CDH18: variants seen among roughly 807,000 people sequenced by gnomAD.
CDH18 encodes cadherin 18, also known as cadherin-18.
In CDH18, 31 loss-of-function variants were observed where a neutral mutation model predicts 67.9. The observed-to-expected ratio is 0.46, with a 90% CI of 0.34 to 0.62. The LOEUF (loss-of-function observed/expected upper bound fraction) is 0.62. CDH18 is among the 20% of genes least tolerant of loss of function. CDH18 has a pLI of 0.01. For synonymous variants in CDH18, 362 were observed against 347.2 expected (o/e 1.04, Z -0.48); for missense variants, 890 against 975.5 (o/e 0.91, Z 1.17).
At chr5:19,870,569 A>G (rs1786148427) in intron 2 of CDH18, among the ~76,000 whole-genome samples, 1 of 152,052 alleles carries the variant, frequency 6.6e-6, no homozygotes, top group Non-Finnish European at 1.5e-5. Flanking sequence ...GCTTGCAGAG[A>G]ATAAGATTTC....
chr5:20,480,717 T>C (rs1291379198), intron 1 of CDH18, among the ~76,000 whole-genome samples: 2 of 152,198 alleles, frequency 1.3e-5, no homozygotes, highest in African/African-American at 4.8e-5. Flanking sequence ...ATAGAGTTTT[T>C]ATTAGTTTTT....
intron 3 of CDH18, among the ~76,000 whole-genome samples, chr5:19,820,439 T>C (rs1354691791): frequency 6.6e-6 from 1 of 152,110 alleles, no homozygotes; most frequent in Non-Finnish European, 1.5e-5. Context: ...CCACAACAGC[T>C]ACACACCAAT....
intron 11 of CDH18, among the ~76,000 whole-genome samples, chr5:19,494,273 T>C (rs1336912703): frequency 1.3e-5 from 2 of 152,234 alleles, no homozygotes; most frequent in Admixed American, 6.5e-5. Context: ...TTATGACTCA[T>C]TACATTGCAT....
chr5:20,447,733 T>C (rs1289902565), intron 1 of CDH18, among the ~76,000 whole-genome samples: 1 of 152,144 alleles, frequency 6.6e-6, no homozygotes, highest in East Asian at 1.9e-4. Flanking sequence ...TGAGTTTACT[T>C]CTATCTATCA....
chr5:19,669,121 ATAT>A (rs1470069066), intron 5 of CDH18, among the ~76,000 whole-genome samples: 2 of 146,948 alleles, frequency 1.4e-5, no homozygotes, highest in Non-Finnish European at 1.5e-5. Flanking sequence ...TATATAATAT[ATAT>A]TATATAATAT....
intron 4 of CDH18, among the ~76,000 whole-genome samples, chr5:19,725,852 C>CGGGAAAG (rs1441443828): frequency 1.3e-5 from 2 of 152,034 alleles, no homozygotes; most frequent in Non-Finnish European, 2.9e-5. Context: ...TACTGGGATT[C>CGGGAAAG]GGGAAAGGGA....
chr5:19,665,723 G>A (rs1301377083), intron 5 of CDH18, among the ~76,000 whole-genome samples: 2 of 152,024 alleles, frequency 1.3e-5, no homozygotes, highest in South Asian at 2.1e-4. Context: ...ATGGAAATGG[G>A]TAATTGGGTA....
At chr5:20,260,313 A>T (rs925188172) in intron 1 of CDH18, among the ~76,000 whole-genome samples, 1 of 151,952 alleles carries the variant, frequency 6.6e-6, no homozygotes, top group Non-Finnish European at 1.5e-5. Flanking sequence ...TTGTCCCACC[A>T]TTATAAATTG....
intron 1 of CDH18, among the ~76,000 whole-genome samples, chr5:20,492,516 T>A (rs992957): frequency 2.0e-5 from 3 of 151,948 alleles, no homozygotes; most frequent in South Asian, 2.1e-4. Context: ...AATACAGTTC[T>A]TCATTTCAAA....
At chr5:20,485,909 G>A (rs903032785) in intron 1 of CDH18, among the ~76,000 whole-genome samples, 2 of 152,148 alleles carry the variant, frequency 1.3e-5, no homozygotes, top group Non-Finnish European at 2.9e-5. Flanking sequence ...TGGGTATATT[G>A]TAAACAAATA....
At chr5:20,518,287 T>A (rs1278305562) in intron 1 of CDH18, among the ~76,000 whole-genome samples, 1 of 152,120 alleles carries the variant, frequency 6.6e-6, no homozygotes, top group Non-Finnish European at 1.5e-5. Flanking sequence ...TAATAGTTGA[T>A]CATATGGTTA....
chr5:20,540,988 T>C (rs1324777696), intron 1 of CDH18, among the ~76,000 whole-genome samples: 1 of 152,204 alleles, frequency 6.6e-6, no homozygotes, highest in Admixed American at 6.6e-5. Context: ...GAAGTTCTAT[T>C]CTCACACTCT....
chr5:20,298,149 T>C (rs1747683960), intron 1 of CDH18, among the ~76,000 whole-genome samples: 1 of 152,194 alleles, frequency 6.6e-6, no homozygotes, highest in South Asian at 2.1e-4. Flanking sequence ...CCAAGACCTT[T>C]CTTTAACTTT....
chr5:19,754,413 A>G (rs1455703780), intron 3 of CDH18, among the ~76,000 whole-genome samples: 1 of 152,220 alleles, frequency 6.6e-6, no homozygotes, highest in Non-Finnish European at 1.5e-5. Flanking sequence ...TAAAAAGGGC[A>G]AAGAGGGACA....
chr5:20,544,578 A>C (rs1224622206), intron 1 of CDH18, among the ~76,000 whole-genome samples: 2 of 152,122 alleles, frequency 1.3e-5, no homozygotes, highest in South Asian at 2.1e-4. Flanking sequence ...GGAGAGAGAG[A>C]GAGCGAGAGA....
At chr5:20,485,048 A>G (rs1278034677) in intron 1 of CDH18, among the ~76,000 whole-genome samples, 1 of 152,142 alleles carries the variant, frequency 6.6e-6, no homozygotes, top group African/African-American at 2.4e-5. Flanking sequence ...TCAATGGTAG[A>G]CTGTTGCTAA....
intron 2 of CDH18, among the ~76,000 whole-genome samples, chr5:20,221,454 A>G (rs961565658): frequency 6.6e-6 from 1 of 152,130 alleles, no homozygotes; most frequent in Admixed American, 6.6e-5. Flanking sequence ...AATAATAGTT[A>G]TCAGAGGCTA....
intron 2 of CDH18, among the ~76,000 whole-genome samples, chr5:20,019,329 T>A (rs755551447): frequency 3.3e-5 from 5 of 152,206 alleles, no homozygotes; most frequent in Non-Finnish European, 7.3e-5. Flanking sequence ...ATCTGCATAC[T>A]TTTTACGGAT....
chr5:20,330,848 T>C (rs962582457), intron 1 of CDH18, among the ~76,000 whole-genome samples: 5 of 152,216 alleles, frequency 3.3e-5, no homozygotes, highest in African/African-American at 1.2e-4. Context: ...ATTTTACTTC[T>C]GTTCATTCCT....
Sources: gnomAD v4.1 joint callset for allele counts (sites outside exome capture counted in the v4.1 genomes callset) on GRCh38, gnomAD v4.1.1 for gene constraint, MANE v1.5 for transcripts, NCBI Gene and HGNC (gene_info 2026-07-23, HGNC 2026-07-21) for gene names.